Variants in DGLUCY observed in about 807,000 individuals in gnomAD.
The protein encoded by DGLUCY is D-glutamate cyclase, mitochondrial.
In DGLUCY, 58 loss-of-function variants were observed where a neutral mutation model predicts 58.5. The observed-to-expected ratio is 0.99, with a 90% CI of 0.80 to 1.23. DGLUCY has a LOEUF of 1.23. DGLUCY is among the 50% of genes most tolerant of loss of function. The pLI is 0.00. For synonymous variants in DGLUCY, 325 were observed against 314.1 expected (o/e 1.03, Z -0.37); for missense variants, 779 against 784.7 (o/e 0.99, Z 0.09).
At chr14:91,175,636 A>G in intron 6 of DGLUCY, 1 of 272,732 alleles carries the variant, frequency 3.7e-6, no homozygotes, top group South Asian at 4.2e-5. Flanking sequence ...TGGCTTTGGT[A>G]GCAATCTGCA....
intron 9 of DGLUCY, among the ~76,000 whole-genome samples, chr14:91,192,859 C>T (rs759359593): frequency 1.3e-5 from 2 of 152,026 alleles, no homozygotes; most frequent in Non-Finnish European, 2.9e-5. Context: ...CGTATTTTAC[C>T]ATAATTTTTA....
chr14:91,160,477 A>G (rs2047920427), intron 3 of DGLUCY, 80 bp downstream of exon 3: 1 of 1,002,018 alleles, frequency 1.0e-6, no homozygotes, highest in African/African-American at 1.7e-5. Flanking sequence ...TGTAGGGCCC[A>G]CAAACTCCTA....
rs568943205 is a variant in DGLUCY, at chr14:91,155,407, T to C, written c.-81-2232T>C. Among the ~76,000 whole-genome samples the C allele has an allele frequency of 1.3e-4, 20 of 152,276 alleles. No homozygotes were observed. In the South Asian group the frequency reaches 2.3e-3, roughly 17 times the overall value. Reference sequence around the variant, plus strand: ...AGTGAGGTACTGTGATATTATGAGATATGTATTTGGTCTTCCTCTGGTTTC... The same window carrying C: ...AGTGAGGTACTGTGATATTATGAGACATGTATTTGGTCTTCCTCTGGTTTC... On this transcript the variant is annotated intron_variant, in intron 1 of 13. Transcript: ENST00000256324.
intron 1 of DGLUCY, among the ~76,000 whole-genome samples, chr14:91,153,303 C>T (rs866000051): frequency 2.6e-5 from 4 of 152,326 alleles, no homozygotes; most frequent in Middle Eastern, 3.4e-3. Flanking sequence ...GTGCCTCAGC[C>T]TCCCCAGTAA....
Position 91,196,453 on chromosome 14 carries a change from A to C in DGLUCY, c.1274A>C (p.Asn425Thr), listed in dbSNP as rs555705095. The C allele has an allele frequency of 6.2e-7, 1 of 1,614,168 alleles. No individual in the cohort carries two copies. The highest frequency in any genetic ancestry group is 1.7e-5 in the Admixed American group (1 of 60,014). The change falls in exon 10 of 14, where the codon AAT becomes ACT. Residue 425 changes from asparagine (N) to threonine (T), a missense_variant. Physicochemically the swap from Asn to Thr is moderately conservative, Grantham distance 65. Transcript: ENST00000256324. ...GCTGCTCAGGCATTCCTGTGCAAAA[A>C]TGGGGACCCGCAGACACCTAGGTAC... ...VEAAQAFLCKNGDPQTPRFDH... is the reference protein window; with the variant it reads ...VEAAQAFLCKTGDPQTPRFDH...
chr14:91,173,417 A>T lies in DGLUCY; in HGVS notation c.585A>T (p.Gln195His). 6.2e-7 allele frequency: 1 copy of T among 1,607,610 alleles called. No individual in the cohort carries two copies. Among genetic ancestry groups the T allele is most frequent in the South Asian group, 1.1e-5 (1 of 90,086 alleles). ...GCTCCCTCGGAGGTGAGCAGGGGCA[A>T]CCTGTTCACATGGGCGACCCAGGTC... The part of the protein sequence containing the change: ...ACCSLGGEQG[Q>H]PVHMGDPELL... Residue 195 changes from glutamine (Q) to histidine (H), a missense_variant, in exon 6 of 14, where the codon CAA becomes CAT. Gln to His is a conservative substitution (Grantham distance 24). Coordinates refer to ENST00000256324, the MANE Select transcript of DGLUCY (RefSeq NM_001102368.3).
In DGLUCY at chr14:91,170,206, G is replaced by A; in HGVS notation, c.456+5G>A. The A allele has an allele frequency of 6.2e-7, 1 of 1,612,612 alleles. No homozygotes were observed. Among genetic ancestry groups the A allele is most frequent in the South Asian group, 1.1e-5 (1 of 91,060 alleles). ...AGCCAGGCGGGTGCATACAAGGTAG[G>A]GACACAGCCCACAGCCCACAAGGGC... On this transcript the variant is annotated splice_donor_5th_base_variant and intron_variant, in intron 5 of 13. Transcript: ENST00000256324.
chr14:91,096,015 G>A (rs923420127), intron 1 of DGLUCY, among the ~76,000 whole-genome samples: 1 of 152,158 alleles, frequency 6.6e-6, no homozygotes, highest in South Asian at 2.1e-4. Flanking sequence ...GGCCTCTGGG[G>A]ATAATGGTAT....
In DGLUCY at chr14:91,157,904, T is replaced by A. The variant is rs543359083; in HGVS notation, c.-30+214T>A. ...AGGCAATAACCCTCAGACTTTGGTC[T>A]CCTGGCTAAAATGTATTTGCAAAAC... is the stretch of plus-strand genomic sequence containing the variant. On this transcript the variant is annotated intron_variant, in intron 2 of 13. Transcript: ENST00000256324. Among the ~76,000 whole-genome samples, 90 of 152,324 alleles carry A rather than the reference T, an allele frequency of 5.9e-4. No individual in the cohort carries two copies. The South Asian group carries it at 0.013, about 22-fold the overall frequency.
At chr14:91,140,278 A>G (rs960594592) in intron 1 of DGLUCY, among the ~76,000 whole-genome samples, 7 of 152,214 alleles carry the variant, frequency 4.6e-5, no homozygotes, top group Admixed American at 1.3e-4. Context: ...CCTTACAAAA[A>G]AGTTTGCCAG....
At chr14:91,161,995 A>G (rs2048023205) in intron 3 of DGLUCY, among the ~76,000 whole-genome samples, 1 of 152,132 alleles carries the variant, frequency 6.6e-6, no homozygotes, top group Admixed American at 6.5e-5. Flanking sequence ...GCAACAGAGC[A>G]GAGCAGCCAG....
chr14:91,063,030 A>G (rs185506142), intron 1 of DGLUCY, among the ~76,000 whole-genome samples: 1 of 152,340 alleles, frequency 6.6e-6, no homozygotes, highest in East Asian at 1.9e-4. Flanking sequence ...ATAAAGAAAT[A>G]TAAACTTTCC....
At chr14:91,147,622 G>A (rs188423516) in intron 1 of DGLUCY, among the ~76,000 whole-genome samples, 85 of 152,274 alleles carry the variant, frequency 5.6e-4, no homozygotes, top group Non-Finnish European at 2.4e-4. Context: ...CTTCTGAAAC[G>A]TAACCCATAT....
chr14:91,088,014 G>A (rs958915939), intron 1 of DGLUCY, among the ~76,000 whole-genome samples: 4 of 152,176 alleles, frequency 2.6e-5, no homozygotes, highest in Non-Finnish European at 4.4e-5. Context: ...GCATCTTGGG[G>A]AGGTGAAAGC....
At chr14:91,111,246 GTGTATATATC>G (rs2044692760), upstream of DGLUCY, among the ~76,000 whole-genome samples, 1 of 89,762 alleles carries the variant, frequency 1.1e-5, no homozygotes, top group African/African-American at 4.0e-5. Flanking sequence ...GTGTGTGTGT[GTGTATATATC>G]TATATATCTA....
At chr14:91,077,766 G>C (rs1198642632) in intron 1 of DGLUCY, among the ~76,000 whole-genome samples, 2 of 130,590 alleles carry the variant, frequency 1.5e-5, no homozygotes, top group African/African-American at 5.8e-5. Flanking sequence ...AAAAAAAAGA[G>C]AGAGAGAAAG....
intron 1 of DGLUCY, among the ~76,000 whole-genome samples, chr14:91,136,846 G>A (rs1208228681): frequency 2.0e-5 from 3 of 152,106 alleles, no homozygotes; most frequent in Admixed American, 6.6e-5. Flanking sequence ...GTACATGCCT[G>A]TAATCCCAGC....
chr14:91,073,448 T>A lies in DGLUCY; in HGVS notation c.-82+12744T>A, dbSNP rs778283943. Among the ~76,000 whole-genome samples, 33 of 152,198 alleles carry A rather than the reference T, an allele frequency of 2.2e-4. 1 individual carries two copies. In the Middle Eastern group the frequency reaches 0.014, roughly 63 times the overall value. On this transcript the variant is annotated intron_variant, in intron 1 of 4. Transcript: ENST00000521334. ...AGAGTGAGATTCCATCTCAAAAAAA[T>A]TTTTTAAAAATTAACTCTGTCATCC... is the stretch of plus-strand genomic sequence containing the variant.
intron 3 of DGLUCY, among the ~76,000 whole-genome samples, chr14:91,162,559 A>G (rs1878181620): frequency 6.6e-6 from 1 of 151,802 alleles, no homozygotes; most frequent in East Asian, 1.9e-4. Context: ...AGCTGTGGAG[A>G]TGAACAAAAC....
Sources: gnomAD v4.1 joint callset for allele counts (sites outside exome capture counted in the v4.1 genomes callset) on GRCh38, gnomAD v4.1.1 for gene constraint, MANE v1.5 for transcripts, NCBI Gene and HGNC (gene_info 2026-07-23, HGNC 2026-07-21) for gene names.